The following UNC13C variants were observed in gnomAD, a reference collection of about 807,000 sequenced individuals.
The protein encoded by UNC13C is unc-13 homolog C, also known as protein unc-13 homolog C.
A neutral mutation model predicts 245.4 loss-of-function variants in UNC13C; 174 were observed. The ratio of observed to expected loss-of-function variants is 0.71; its 90% CI spans 0.63 to 0.80. The LOEUF (loss-of-function observed/expected upper bound fraction) is 0.80, where lower values mean the gene tolerates loss of function less well. Among genes scored for constraint, UNC13C ranks in the 30% least tolerant of loss-of-function variants. UNC13C has a pLI of 0.00. For synonymous variants in UNC13C, 992 were observed against 895.1 expected, an observed-to-expected ratio of 1.11 and a Z score of -1.93; for missense variants, 2,829 against 2,602.9, an observed-to-expected ratio of 1.09 and a Z score of -1.89.
At chr15:54,209,221 C>G (rs535473681) in intron 4 of UNC13C, among the ~76,000 whole-genome samples, 52 of 152,136 alleles carry the variant, frequency 3.4e-4, no homozygotes, top group Admixed American at 1.1e-3. Flanking sequence ...CTTAGAAACC[C>G]AAAGAAGGGA....
chr15:54,101,098 C>T lies in UNC13C; in HGVS notation c.2984-41920C>T, dbSNP rs572018466. ...TAGATTTCTGTTTTATGGAGAAATT[C>T]TCCATCTTATTACATATTTCCTTCA... On this transcript the variant is annotated intron_variant, in intron 2 of 32. Transcript: ENST00000260323. Among the ~76,000 whole-genome samples, 267 of 152,180 alleles carry T rather than the reference C, an allele frequency of 1.8e-3. 1 individual carries two copies. Among genetic ancestry groups the T allele is most frequent in the Non-Finnish European group, 2.8e-3 (193 of 68,014 alleles).
chr15:54,294,631 A>T (rs189456620), intron 11 of UNC13C, among the ~76,000 whole-genome samples: 2 of 152,276 alleles, frequency 1.3e-5, no homozygotes, highest in East Asian at 3.9e-4. Context: ...GTAAGTTTTA[A>T]TTTAACTTTT....
intron 10 of UNC13C, among the ~76,000 whole-genome samples, chr15:54,289,015 G>A (rs528358191): frequency 6.6e-6 from 1 of 152,064 alleles, no homozygotes; most frequent in African/African-American, 2.4e-5. Flanking sequence ...TGCTGGAAAA[G>A]CCCTAGGGCA....
chr15:54,524,111 C>T (rs1895343274), intron 24 of UNC13C, among the ~76,000 whole-genome samples: 1 of 152,164 alleles, frequency 6.6e-6, no homozygotes, highest in Admixed American at 6.6e-5. Flanking sequence ...TAAGTATGTA[C>T]TATCTAATTG....
chr15:54,018,695 A>C (rs1393160019), intron 2 of UNC13C, among the ~76,000 whole-genome samples: 1 of 152,150 alleles, frequency 6.6e-6, no homozygotes, highest in Non-Finnish European at 1.5e-5. Flanking sequence ...TATCAACTGG[A>C]ATTAACTATT....
chr15:54,050,447 G>A (rs1897229266), intron 2 of UNC13C: 1 of 553,888 alleles, frequency 1.8e-6, no homozygotes, highest in South Asian at 1.4e-5. Flanking sequence ...TGGGCTTGCT[G>A]AGCTAAAGTT....
chr15:54,161,972 A>G (rs369310769), intron 4 of UNC13C, among the ~76,000 whole-genome samples: 1 of 152,142 alleles, frequency 6.6e-6, no homozygotes, highest in Non-Finnish European at 1.5e-5. Context: ...TTTCCAAGCA[A>G]TTACACAGTC....
chr15:54,605,235 G>C (rs549981688), intron 30 of UNC13C, among the ~76,000 whole-genome samples: 1 of 152,306 alleles, frequency 6.6e-6, no homozygotes, highest in East Asian at 1.9e-4. Context: ...ATCAGTCCTA[G>C]CTGGATCAGA....
At chr15:53,862,791 A>G in the UNC13C span, among the ~76,000 whole-genome samples, 1 of 152,206 alleles carries the variant, frequency 6.6e-6, no homozygotes, top group African/African-American at 2.4e-5. Context: ...ATTGTCTCTC[A>G]AAGACTCCAT....
rs202206100 is a variant in UNC13C, at chr15:54,523,548, T to C, written c.5458-2001T>C. The stretch of plus-strand genomic sequence containing the variant: ...ACTAATAATTATTTGATGAGAAATA[T>C]CTATTCACCAAATACCTAAGGTGGA... On this transcript the variant is annotated intron_variant, in intron 24 of 32. Transcript: ENST00000260323. Among the ~76,000 whole-genome samples the C allele has an allele frequency of 3.9e-5, 6 of 152,174 alleles. No individual in the cohort carries two copies. The East Asian group carries it at 1.2e-3, about 29-fold the overall frequency.
chr15:54,182,743 T>C (rs1030794059), intron 4 of UNC13C, among the ~76,000 whole-genome samples: 3 of 151,924 alleles, frequency 2.0e-5, no homozygotes, highest in Admixed American at 6.6e-5. Context: ...ACAAGACATA[T>C]TAAAACATTG....
At chr15:54,083,395 G>A (rs1448999707) in intron 2 of UNC13C, among the ~76,000 whole-genome samples, 1 of 152,146 alleles carries the variant, frequency 6.6e-6, no homozygotes, top group Non-Finnish European at 1.5e-5. Context: ...TCTGGCCTCC[G>A]TTGTCAGGGT....
chr15:54,350,308 A>G (rs901453206), intron 17 of UNC13C, among the ~76,000 whole-genome samples: 1 of 152,224 alleles, frequency 6.6e-6, no homozygotes, highest in African/African-American at 2.4e-5. Context: ...TAAAATTTAG[A>G]TAAATACACA....
chr15:53,862,525 A>G, the UNC13C span, among the ~76,000 whole-genome samples: 17 of 152,136 alleles, frequency 1.1e-4, no homozygotes, highest in Non-Finnish European at 5.9e-5. Flanking sequence ...CTATTATTCT[A>G]TCAGACTTTA....
intron 17 of UNC13C, among the ~76,000 whole-genome samples, chr15:54,381,654 A>C (rs2039727350): frequency 1.3e-5 from 2 of 152,148 alleles, no homozygotes. Flanking sequence ...ATTTTAATTT[A>C]GATGTCTTTC....
At chr15:53,845,122 G>T in the UNC13C span, among the ~76,000 whole-genome samples, 21 of 151,970 alleles carry the variant, frequency 1.4e-4, no homozygotes, top group Admixed American at 2.0e-4. Flanking sequence ...TCAGGAGTTC[G>T]AGACTAGCCT....
chr15:54,188,560 C>T (rs733184), intron 4 of UNC13C, among the ~76,000 whole-genome samples: 94,995 of 152,008 alleles, frequency 0.62, 31,233 homozygotes, highest in Non-Finnish European at 0.73. Flanking sequence ...TATTTTGTCC[C>T]GATAAGAGCA....
chr15:53,971,879 A>T, the UNC13C span, among the ~76,000 whole-genome samples: 1 of 152,178 alleles, frequency 6.6e-6, no homozygotes, highest in African/African-American at 2.4e-5. Context: ...AGTACTTTAA[A>T]TTTTTAAGTC....
the UNC13C span, among the ~76,000 whole-genome samples, chr15:53,938,983 G>T: frequency 2.6e-5 from 4 of 151,914 alleles, no homozygotes; most frequent in African/African-American, 9.7e-5. Context: ...CAGAAGACAA[G>T]AAATAATCAG....
Sources: gnomAD v4.1 joint callset for allele counts (sites outside exome capture counted in the v4.1 genomes callset) on GRCh38, gnomAD v4.1.1 for gene constraint, MANE v1.5 for transcripts, NCBI Gene and HGNC (gene_info 2026-07-23, HGNC 2026-07-21) for gene names.